The following CSTPP1 variants were observed in gnomAD, a reference collection of about 807,000 sequenced individuals.
CSTPP1 encodes UPF0705 protein C11orf49.
chr11:46,984,881 G>A, the CSTPP1 span, among the ~76,000 whole-genome samples: 1 of 152,118 alleles, frequency 6.6e-6, no homozygotes, highest in African/African-American at 2.4e-5. Flanking sequence ...AGGTGAAAAT[G>A]CAGCTGATTT....
chr11:47,143,272 T>C, the CSTPP1 span, among the ~76,000 whole-genome samples: 1 of 152,194 alleles, frequency 6.6e-6, no homozygotes, highest in Admixed American at 6.5e-5. Context: ...CACATACCTA[T>C]GCATCTGATC....
At chr11:47,039,158 G>A in the CSTPP1 span, among the ~76,000 whole-genome samples, 1 of 127,400 alleles carries the variant, frequency 7.8e-6, no homozygotes, top group Non-Finnish European at 1.9e-5. Flanking sequence ...AGGCTGCTGG[G>A]AGGTGAAGGT....
chr11:46,974,975 A>C, the CSTPP1 span, among the ~76,000 whole-genome samples: 4 of 152,068 alleles, frequency 2.6e-5, no homozygotes, highest in African/African-American at 9.6e-5. Flanking sequence ...TCCTTATAAA[A>C]TAAATATTAA....
chr11:46,952,401 A>G, the CSTPP1 span, among the ~76,000 whole-genome samples: 1 of 152,246 alleles, frequency 6.6e-6, no homozygotes, highest in Non-Finnish European at 1.5e-5. Context: ...CTAACTGCCA[A>G]CGAGGCAGGG....
chr11:47,020,075 A>G, the CSTPP1 span, among the ~76,000 whole-genome samples: 1 of 152,298 alleles, frequency 6.6e-6, no homozygotes, highest in Non-Finnish European at 1.5e-5. Flanking sequence ...TGCCCCCCAC[A>G]CCAAATAAAA....
chr11:47,055,116 A>G, the CSTPP1 span, among the ~76,000 whole-genome samples: 2 of 151,462 alleles, frequency 1.3e-5, no homozygotes, highest in South Asian at 2.1e-4. Flanking sequence ...TATTTTTTAT[A>G]GAGTTGGGGT....
chr11:47,096,965 G>A, the CSTPP1 span, among the ~76,000 whole-genome samples: 2 of 152,212 alleles, frequency 1.3e-5, no homozygotes, highest in Non-Finnish European at 2.9e-5. Context: ...AGTACTTAAC[G>A]ATAGCCCTTT....
chr11:47,117,980 A>T, the CSTPP1 span, among the ~76,000 whole-genome samples: 1 of 148,602 alleles, frequency 6.7e-6, no homozygotes, highest in Admixed American at 6.9e-5. Flanking sequence ...CCCAGGTTCA[A>T]GCAATTCTCC....
the CSTPP1 span, among the ~76,000 whole-genome samples, chr11:46,959,716 C>T: frequency 6.6e-6 from 1 of 152,036 alleles, no homozygotes; most frequent in Non-Finnish European, 1.5e-5. Context: ...TTTTTCTGTT[C>T]ATACAATAAG....
chr11:47,026,614 A>C, the CSTPP1 span, among the ~76,000 whole-genome samples: 1 of 152,192 alleles, frequency 6.6e-6, no homozygotes, highest in Non-Finnish European at 1.5e-5. Context: ...ACGGTGGCTC[A>C]TGCCTGTAAT....
the CSTPP1 span, among the ~76,000 whole-genome samples, chr11:47,163,342 T>C: frequency 6.6e-6 from 1 of 152,170 alleles, no homozygotes; most frequent in Admixed American, 6.5e-5. Flanking sequence ...TCTATCAACT[T>C]GGGATGGAGT....
At chr11:47,099,727 A>G in the CSTPP1 span, among the ~76,000 whole-genome samples, 1 of 152,156 alleles carries the variant, frequency 6.6e-6, no homozygotes, top group African/African-American at 2.4e-5. Flanking sequence ...CTCATTGGAG[A>G]AAGTGTTTTC....
At chr11:47,078,317 G>A in the CSTPP1 span, among the ~76,000 whole-genome samples, 6 of 152,218 alleles carry the variant, frequency 3.9e-5, no homozygotes, top group African/African-American at 1.2e-4. Context: ...CGGAAGCAAC[G>A]TTGAAGGAGT....
At chr11:47,074,110 G>A in the CSTPP1 span, among the ~76,000 whole-genome samples, 6 of 152,090 alleles carry the variant, frequency 3.9e-5, no homozygotes, top group East Asian at 1.9e-4. Context: ...AGGCTCAGGC[G>A]GGAGAATCTC....
At chr11:46,938,803 T>C in the CSTPP1 span, among the ~76,000 whole-genome samples, 19 of 125,064 alleles carry the variant, frequency 1.5e-4, no homozygotes, top group Non-Finnish European at 2.5e-4. Context: ...TTTGAGACAA[T>C]GTCTGGCACT....
the CSTPP1 span, among the ~76,000 whole-genome samples, chr11:47,115,516 A>G: frequency 6.6e-6 from 1 of 152,156 alleles, no homozygotes; most frequent in African/African-American, 2.4e-5. Flanking sequence ...TCAGACATTC[A>G]ACTTCTTCCT....
the CSTPP1 span, among the ~76,000 whole-genome samples, chr11:47,036,770 C>T: frequency 2.4e-5 from 3 of 127,578 alleles, 1 homozygote; most frequent in Non-Finnish European, 3.7e-5. Flanking sequence ...CTCTGCCTCC[C>T]GGGTTCAATC....
At chr11:47,050,164 T>C in the CSTPP1 span, among the ~76,000 whole-genome samples, 1 of 152,296 alleles carries the variant, frequency 6.6e-6, no homozygotes, top group East Asian at 1.9e-4. Context: ...TGCAATATTA[T>C]AATAAAAATA....
At chr11:46,951,474 CTTTG>C in the CSTPP1 span, among the ~76,000 whole-genome samples, 2,518 of 151,676 alleles carry the variant, frequency 0.017, 23 homozygotes, top group Middle Eastern at 0.031. Flanking sequence ...TTTTTAAATT[CTTTG>C]TTTGTTATGT....
Sources: gnomAD v4.1 joint callset for allele counts (sites outside exome capture counted in the v4.1 genomes callset) on GRCh38, gnomAD v4.1.1 for gene constraint, MANE v1.5 for transcripts, NCBI Gene and HGNC (gene_info 2026-07-23, HGNC 2026-07-21) for gene names.